EIF4G1: variants seen among roughly 807,000 people sequenced by gnomAD.
EIF4G1 encodes the protein eukaryotic translation initiation factor 4 gamma 1.
Under a neutral mutation model 187.8 loss-of-function variants are expected in EIF4G1, and 4 were observed. The observed-to-expected ratio is 0.02, with a 90% CI of 0.01 to 0.05. The LOEUF (loss-of-function observed/expected upper bound fraction) is 0.05. EIF4G1 is among the 10% of genes least tolerant of loss of function. EIF4G1 has a pLI of 1.00. For missense variants in EIF4G1, 1,647 were observed against 2,081.1 expected (o/e 0.79, Z 4.06); for synonymous variants, 844 against 781.4 (o/e 1.08, Z -1.34).
rs754955324 is a variant in EIF4G1 at position 184,317,704 on chromosome 3, C to T, written c.325-13C>T. On this transcript the variant is annotated splice_polypyrimidine_tract_variant and intron_variant, in intron 5 of 32. Coordinates refer to ENST00000346169, the MANE Select transcript of EIF4G1 (RefSeq NM_198241.3). Reference sequence around the variant, plus strand: ...CCTCAACTCCTTCTCTCCCTCTCCCCCTTCCCCACCAGGGGCGTTCCACAT... The same window carrying T: ...CCTCAACTCCTTCTCTCCCTCTCCCTCTTCCCCACCAGGGGCGTTCCACAT... 1 of 1,610,948 alleles carries T rather than the reference C, an allele frequency of 6.2e-7. No individual in the cohort carries two copies. The highest frequency in any genetic ancestry group is 1.3e-5 in the African/African-American group (1 of 74,870).
chr3:184,322,403 C>T lies in EIF4G1; in HGVS notation c.1561C>T (p.Leu521=), dbSNP rs371549303. Residue 521 remains leucine (L), a synonymous_variant, in exon 11 of 33, where the codon CTA becomes TTA. Coordinates refer to ENST00000346169, the MANE Select transcript of EIF4G1 (RefSeq NM_198241.3). ...AAAGAGGAGACGGAAAATTAAGGAG[C>T]TAAATAAGAAGGAGGCTGTTGGAGA... ...VPKRRRKIKE[L]NKKEAVGDLL... 2.2e-5 allele frequency: 36 copies of T among 1,613,906 alleles called. No homozygotes were observed. Among genetic ancestry groups the T allele is most frequent in the Middle Eastern group, 3.3e-4 (2 of 6,082 alleles).
chr3:184,328,552 G>T, intron 26 of EIF4G1, 79 bp from the exon 27 acceptor site: 2 of 1,602,350 alleles, frequency 1.2e-6, no homozygotes, highest in Non-Finnish European at 8.5e-7. Context: ...CATAGTTGAT[G>T]CCCTAGCCAT....
intron 28 of EIF4G1, among the ~76,000 whole-genome samples, chr3:184,330,395 T>A (rs966660082): frequency 6.6e-6 from 1 of 152,000 alleles, no homozygotes; most frequent in Middle Eastern, 3.2e-3. Flanking sequence ...AAAAAAGATA[T>A]ATATCGGCTG....
rs1725186995 is a variant in EIF4G1 at position 184,327,582 on chromosome 3, A to G, written c.3662-4A>G. On this transcript the variant is annotated splice_polypyrimidine_tract_variant and splice_region_variant and intron_variant, in intron 24 of 32. Transcript: ENST00000346169. ...TCCCTCTAATCTGTGTTCTCTTCCC[A>G]CAGTGAAGCGAGAAGCTGCCCTACC... The G allele has an allele frequency of 1.2e-6, 2 of 1,613,838 alleles. No homozygotes were observed. Among genetic ancestry groups the G allele is most frequent in the African/African-American group, 1.3e-5 (1 of 74,934 alleles).
chr3:184,335,007 G>A lies in EIF4G1; in HGVS notation c.*99G>A. ...GGCGGCAGCAGCGGCGGTGGCAGTG[G>A]GTGCCTGTAGTGTGATGTGTCTGAA... On this transcript the variant is annotated 3_prime_UTR_variant, in exon 33 of 33. Coordinates refer to ENST00000346169, the MANE Select transcript of EIF4G1 (RefSeq NM_198241.3). 6.7e-7 allele frequency: 1 copy of A among 1,494,832 alleles called. No homozygotes were observed. The highest frequency in any genetic ancestry group is 9.1e-7 in the Non-Finnish European group (1 of 1,094,152). The allele number at this position is 1,494,832 out of a possible 1,614,324, so 92.6% of individuals were successfully genotyped here.
At position 184,334,893 on chromosome 3, in the gene EIF4G1, G is replaced by T. The variant is rs1429598116; in HGVS notation, c.4785G>T (p.Glu1595Asp). ...FFKWLREAEE[E>D]SDHN Reference sequence around the variant, plus strand: ...AGTGGCTCCGTGAAGCAGAGGAGGAGTCTGACCACAACTGAGGGCTGGTGG... The same window carrying T: ...AGTGGCTCCGTGAAGCAGAGGAGGATTCTGACCACAACTGAGGGCTGGTGG... Residue 1595 changes from glutamate to aspartate, a missense_variant, in exon 33 of 33, where the codon GAG becomes GAT. By Grantham distance (45) the Glu-to-Asp change is conservative. Transcript: ENST00000346169. This position sits in a 1 kb window ranked among gnomAD's most constrained non-coding sequence, Gnocchi z 5.8. 3 of 1,614,200 alleles carry T rather than the reference G, an allele frequency of 1.9e-6. No homozygotes were observed. Among genetic ancestry groups the T allele is most frequent in the Admixed American group, 1.7e-5 (1 of 60,030 alleles).
intron 11 of EIF4G1, 40 bp downstream of exon 11, chr3:184,322,490 A>G: frequency 1.9e-6 from 3 of 1,613,936 alleles, no homozygotes; most frequent in Non-Finnish European, 2.5e-6. Flanking sequence ...GGCCAAGTTG[A>G]GGTATGGAGC....
chr3:184,331,693 T>A lies in EIF4G1; in HGVS notation c.4396-35T>A, dbSNP rs758471663. The A allele has an allele frequency of 3.7e-6, 6 of 1,614,056 alleles. 1 individual carries two copies. In the South Asian group the frequency reaches 6.6e-5, roughly 18 times the overall value. ...AAGAATGAAGACTGAAGGGCCCAAT[T>A]CAGAATCTGGGGATCATTTGTTTCT... On this transcript the variant is annotated intron_variant, in intron 30 of 32. Transcript: ENST00000346169.
rs1725194113 is a variant in EIF4G1, at chr3:184,327,614, G to A, written c.3690G>A (p.Val1230=). The change falls in exon 25 of 33, where the codon GTG becomes GTA. Residue 1230 remains valine, a synonymous_variant. Coordinates refer to ENST00000346169, the MANE Select transcript of EIF4G1 (RefSeq NM_198241.3). ...AGCGAGAAGCTGCCCTACCCCCAGT[G>A]AGCCCCCTGAAGGCGGCTCTCTCTG... is the stretch of plus-strand genomic sequence containing the variant. ...AVKREAALPP[V]SPLKAALSEE... The A allele has an allele frequency of 6.2e-7, 1 of 1,614,198 alleles. No homozygotes were observed. The highest frequency in any genetic ancestry group is 8.5e-7 in the Non-Finnish European group (1 of 1,180,022).
chr3:184,331,773 G>A lies in EIF4G1; in HGVS notation c.4441G>A (p.Ala1481Thr). Residue 1481 changes from alanine to threonine, a missense_variant, in exon 31 of 33, where the codon GCC becomes ACC. Around this residue, in one of 11 missense-constraint regions of EIF4G1, gnomAD observed 543 missense variants for 638.0 expected, o/e 0.85. Coordinates refer to ENST00000346169, the MANE Select transcript of EIF4G1 (RefSeq NM_198241.3). ...QQIVSNTLVR[A>T]LMTAVCYSAI... is the part of the protein sequence containing the mutation. ...GATAGTATCCAACACGTTAGTTCGA[G>A]CCCTCATGACGGCTGTCTGCTATTC... 1.2e-6 allele frequency: 2 copies of A among 1,614,198 alleles called. No individual in the cohort carries two copies. Among genetic ancestry groups the A allele is most frequent in the Non-Finnish European group, 1.7e-6 (2 of 1,180,040 alleles).
chr3:184,319,630 T>G, intron 6 of EIF4G1, 59 bp from the exon 7 acceptor site: 3 of 1,111,346 alleles, frequency 2.7e-6, no homozygotes, highest in Non-Finnish European at 4.0e-6. Context: ...CAGGCAGGCA[T>G]TAGTATATGG....
Position 184,315,842 on chromosome 3 carries a change from C to G in EIF4G1, c.46C>G (p.Pro16Ala). The G allele has an allele frequency of 1.9e-6, 3 of 1,550,312 alleles. No individual in the cohort carries two copies. Among genetic ancestry groups the G allele is most frequent in the Non-Finnish European group, 2.6e-6 (3 of 1,145,982 alleles). The change falls in exon 3 of 33, where the codon CCC (proline) becomes GCC (alanine). Residue 16 changes from proline (P) to alanine (A), a missense_variant. Around this residue, in one of 11 missense-constraint regions of EIF4G1, gnomAD observed 61 missense variants for 49.5 expected, o/e 1.23. Coordinates refer to ENST00000346169, the MANE Select transcript of EIF4G1 (RefSeq NM_198241.3). Reference sequence around the variant, plus strand: ...CACAGGCCCCCCACCCGCCCCATCCCCCGGACTCCCACAGGTAATTAGGGA... The same window carrying G: ...CACAGGCCCCCCACCCGCCCCATCCGCCGGACTCCCACAGGTAATTAGGGA... ...QSTGPPPAPS[P>A]GLPQPAFPPG... is the part of the protein sequence containing the mutation.
intron 4 of EIF4G1, chr3:184,316,590 C>A: frequency 1.0e-6 from 1 of 963,358 alleles, no homozygotes; most frequent in Non-Finnish European, 1.6e-6. Flanking sequence ...TTGCCTTTCT[C>A]TGTTCCCCAG....
chr3:184,332,539 G>C lies in EIF4G1; in HGVS notation c.4618+453G>C, dbSNP rs115044772. On this transcript the variant is annotated intron_variant, in intron 32 of 32. Coordinates refer to ENST00000346169, the MANE Select transcript of EIF4G1 (RefSeq NM_198241.3). ...GCATTCAGAACATAGGTATGTGTCAGGGCATTGGCATGCTCACAGAGAGGA... is the reference window on the plus strand; with the variant it reads ...GCATTCAGAACATAGGTATGTGTCACGGCATTGGCATGCTCACAGAGAGGA... Among the ~76,000 whole-genome samples the C allele has an allele frequency of 4.2e-3, 643 of 152,262 alleles. 1 individual carries two copies. Among genetic ancestry groups the C allele is most frequent in the African/African-American group, 0.015 (613 of 41,542 alleles).
At position 184,323,085 on chromosome 3, in the gene EIF4G1, C is replaced by A. The variant is rs1422214942; in HGVS notation, c.1932C>A (p.Ala644=). The A allele has an allele frequency of 1.2e-6, 2 of 1,614,046 alleles. No individual in the cohort carries two copies. The highest frequency in any genetic ancestry group is 3.3e-5 in the Admixed American group (2 of 59,998). Residue 644 remains alanine (A), a splice_region_variant and synonymous_variant, in exon 14 of 33, where the codon GCC becomes GCA. Transcript: ENST00000346169. This position sits in a 1 kb window ranked among gnomAD's most constrained non-coding sequence, Gnocchi z 6.9. Reference sequence around the variant, plus strand: ...ACCTTTTCCTGTCCTCTTTGCAGGCCAATAAAACACCACTGCGGCCACTGG... The same window carrying A: ...ACCTTTTCCTGTCCTCTTTGCAGGCAAATAAAACACCACTGCGGCCACTGG... ...PHISDVVLDK[A]NKTPLRPLDP... is the part of the protein sequence containing the mutation.
chr3:184,326,431 T>C, intron 21 of EIF4G1, 96 bp from the exon 22 acceptor site: 1 of 1,269,624 alleles, frequency 7.9e-7, no homozygotes, highest in Non-Finnish European at 1.1e-6. Context: ...ACCCCTGGAC[T>C]GGGCCATTCA....
Position 184,325,781 on chromosome 3 carries a change from G to A in EIF4G1, c.3122-70G>A. ...CTGAGGATCTGAGGAAGGGAGGCTG[G>A]GGGTGGCCCAAGGGGAAGGGGCTGC... On this transcript the variant is annotated intron_variant, in intron 20 of 32. Coordinates refer to ENST00000346169, the MANE Select transcript of EIF4G1 (RefSeq NM_198241.3). The surrounding 1 kb of genome is among the most constrained non-coding windows in gnomAD (Gnocchi z 5.2). The A allele has an allele frequency of 6.2e-7, 1 of 1,611,728 alleles. No homozygotes were observed. Among genetic ancestry groups the A allele is most frequent in the South Asian group, 1.1e-5 (1 of 91,018 alleles).
chr3:184,334,667 T>A lies in EIF4G1; in HGVS notation c.4619-60T>A. On this transcript the variant is annotated intron_variant, in intron 32 of 32. Transcript: ENST00000346169. This position sits in a 1 kb window ranked among gnomAD's most constrained non-coding sequence, Gnocchi z 5.8. ...AACAGTGGAACTTGGGAGGGTTCCCTGGGGTGGGCTGGGGTGGCGGTGGCC... is the reference window on the plus strand; with the variant it reads ...AACAGTGGAACTTGGGAGGGTTCCCAGGGGTGGGCTGGGGTGGCGGTGGCC... 1.2e-6 allele frequency: 2 copies of A among 1,608,784 alleles called. No individual in the cohort carries two copies. Among genetic ancestry groups the A allele is most frequent in the Non-Finnish European group, 1.7e-6 (2 of 1,175,858 alleles).
In EIF4G1 at chr3:184,331,523, C is replaced by G. The variant is rs545768471; in HGVS notation, c.4312C>G (p.Leu1438Val). The G allele has an allele frequency of 4.3e-6, 7 of 1,614,170 alleles. No homozygotes were observed. In the African/African-American group the frequency reaches 6.7e-5, roughly 15 times the overall value. The part of the protein sequence containing the change: ...EESEAPGQRA[L>V]PSEELNRQLE... The stretch of plus-strand genomic sequence containing the variant: ...GTCGGAAGCCCCTGGCCAGAGGGCA[C>G]TCCCCTCCGAGGAGCTGAACAGGCA... The change falls in exon 30 of 33, where the codon CTC (leucine) becomes GTC (valine). Residue 1438 changes from leucine to valine, a missense_variant. Leu to Val is a conservative substitution (Grantham distance 32). Around this residue, in one of 11 missense-constraint regions of EIF4G1, gnomAD observed 543 missense variants for 638.0 expected, o/e 0.85. Coordinates refer to ENST00000346169, the MANE Select transcript of EIF4G1 (RefSeq NM_198241.3).
Sources: gnomAD v4.1 joint callset for allele counts (sites outside exome capture counted in the v4.1 genomes callset) on GRCh38, gnomAD v4.1.1 for gene constraint, gnomAD v4.1.1 regional missense constraint, Gnocchi (gnomAD v3.1) non-coding constraint, MANE v1.5 for transcripts, NCBI Gene and HGNC (gene_info 2026-07-23, HGNC 2026-07-21) for gene names.